Variants in POU6F2 observed in about 807,000 individuals in gnomAD.
POU6F2 encodes the protein POU class 6 homeobox 2.
In POU6F2, 31 loss-of-function variants were observed where a neutral mutation model predicts 71.3. The ratio of observed to expected loss-of-function variants is 0.43; its 90% CI spans 0.33 to 0.59. POU6F2 has a LOEUF of 0.59. Ranked by LOEUF, POU6F2 falls within the 20% of genes least tolerant of loss-of-function variation. The pLI, the probability that POU6F2 is intolerant of heterozygous loss-of-function variation, is 0.04. For missense variants in POU6F2, 783 were observed against 856.8 expected, an observed-to-expected ratio of 0.91 and a Z score of 1.07; for synonymous variants, 347 against 355.7, an observed-to-expected ratio of 0.98 and a Z score of 0.27.
chr7:39,153,608 T>G (rs1792803361), intron 2 of POU6F2, among the ~76,000 whole-genome samples: 1 of 152,204 alleles, frequency 6.6e-6, no homozygotes, highest in Non-Finnish European at 1.5e-5. Flanking sequence ...AGTTAACAAT[T>G]AATTAAAAGA....
intron 2 of POU6F2, among the ~76,000 whole-genome samples, chr7:39,203,057 G>T (rs1334226411): frequency 6.6e-6 from 1 of 152,192 alleles, no homozygotes; most frequent in African/African-American, 2.4e-5. Flanking sequence ...AGAGATAGAA[G>T]TCAATTGAAT....
chr7:39,149,744 G>A (rs1792705915), intron 2 of POU6F2, among the ~76,000 whole-genome samples: 1 of 152,028 alleles, frequency 6.6e-6, no homozygotes, highest in Non-Finnish European at 1.5e-5. Flanking sequence ...TTATATATAT[G>A]TGTGTGTATA....
chr7:39,278,419 A>G (rs1173828607), intron 4 of POU6F2, among the ~76,000 whole-genome samples: 6 of 152,306 alleles, frequency 3.9e-5, no homozygotes, highest in East Asian at 3.9e-4. Context: ...TCGATCAGAC[A>G]GAGTCCAAGT....
chr7:39,023,307 G>C (rs1052065032), intron 1 of POU6F2, among the ~76,000 whole-genome samples: 2 of 151,914 alleles, frequency 1.3e-5, no homozygotes, highest in African/African-American at 4.8e-5. Flanking sequence ...CTACACAAAG[G>C]CTTTTAAAAG....
At chr7:39,153,423 C>T (rs1288682095) in intron 2 of POU6F2, among the ~76,000 whole-genome samples, 2 of 152,036 alleles carry the variant, frequency 1.3e-5, no homozygotes, top group Non-Finnish European at 2.9e-5. Context: ...ACAATACGAT[C>T]GCATCCCACC....
intron 1 of POU6F2, among the ~76,000 whole-genome samples, chr7:39,031,623 C>T (rs1789944476): frequency 6.6e-6 from 1 of 152,132 alleles, no homozygotes; most frequent in African/African-American, 2.4e-5. Context: ...TGGCTCACAC[C>T]TGTAATCCCA....
chr7:39,437,770 T>A (rs1294277495), intron 7 of POU6F2, among the ~76,000 whole-genome samples: 1 of 152,174 alleles, frequency 6.6e-6, no homozygotes, highest in Non-Finnish European at 1.5e-5. Flanking sequence ...TGGTATAAAT[T>A]TCCCCCCTTA....
chr7:39,007,222 T>C (rs920537088), intron 1 of POU6F2, among the ~76,000 whole-genome samples: 2 of 152,238 alleles, frequency 1.3e-5, no homozygotes, highest in Admixed American at 6.5e-5. Context: ...ATTTGCTATT[T>C]TTATATTTCA....
chr7:39,069,002 G>T (rs1245950808), intron 1 of POU6F2, among the ~76,000 whole-genome samples: 1 of 152,054 alleles, frequency 6.6e-6, no homozygotes, highest in Non-Finnish European at 1.5e-5. Context: ...CAGGACCTGC[G>T]GATCACACAT....
chr7:39,210,636 C>T (rs190214257), intron 4 of POU6F2, among the ~76,000 whole-genome samples: 98 of 152,266 alleles, frequency 6.4e-4, no homozygotes, highest in Middle Eastern at 3.4e-3. Flanking sequence ...TCGACTCTGA[C>T]AGCGGGGGTC....
intron 4 of POU6F2, among the ~76,000 whole-genome samples, chr7:39,253,843 G>C (rs533017999): frequency 1.4e-4 from 22 of 152,166 alleles, no homozygotes; most frequent in Non-Finnish European, 3.1e-4. Context: ...CTTTACGATA[G>C]CCAAACCATT....
chr7:39,118,256 C>A (rs184572661), intron 2 of POU6F2, among the ~76,000 whole-genome samples: 1 of 152,226 alleles, frequency 6.6e-6, no homozygotes, highest in African/African-American at 2.4e-5. Context: ...ATCCAATCAG[C>A]TTTTTAGTGT....
intron 2 of POU6F2, among the ~76,000 whole-genome samples, chr7:39,159,951 C>CA (rs1047747442): frequency 1.6e-4 from 24 of 152,142 alleles, no homozygotes; most frequent in Admixed American, 5.9e-4. Context: ...CTTTGGATGG[C>CA]ATGGGCAATT....
chr7:39,065,027 ATAAT>A (rs1790729237), intron 1 of POU6F2, among the ~76,000 whole-genome samples: 2 of 151,838 alleles, frequency 1.3e-5, no homozygotes, highest in Non-Finnish European at 3.0e-5. Context: ...CACAAAGTAA[ATAAT>A]AACTTAAAGA....
chr7:39,376,685 C>G (rs996328054), intron 5 of POU6F2, among the ~76,000 whole-genome samples: 3 of 152,158 alleles, frequency 2.0e-5, no homozygotes, highest in Non-Finnish European at 2.9e-5. Flanking sequence ...AATTTATTAT[C>G]TACTTGAATA....
At chr7:39,082,166 A>T (rs1015069482) in intron 1 of POU6F2, among the ~76,000 whole-genome samples, 16 of 152,190 alleles carry the variant, frequency 1.1e-4, no homozygotes, top group Admixed American at 2.6e-4. Context: ...TCTTTGTAGG[A>T]CACGGTGAAA....
intron 2 of POU6F2, among the ~76,000 whole-genome samples, chr7:39,149,339 T>C (rs1001108752): frequency 6.6e-6 from 1 of 152,216 alleles, no homozygotes; most frequent in African/African-American, 2.4e-5. Context: ...CTCATCAGAA[T>C]ACTTCTTTTT....
At chr7:39,228,644 AATATT>A (rs1274938965) in intron 4 of POU6F2, among the ~76,000 whole-genome samples, 3 of 152,234 alleles carry the variant, frequency 2.0e-5, no homozygotes, top group African/African-American at 4.8e-5. Context: ...CGCCGAGGTC[AATATT>A]CCTTATTGGC....
intron 7 of POU6F2, among the ~76,000 whole-genome samples, chr7:39,434,833 TC>T (rs1041734570): frequency 2.6e-4 from 39 of 152,252 alleles, no homozygotes; most frequent in African/African-American, 9.4e-4. Context: ...CCTCTCTGTG[TC>T]CATCTGTTCT....
Sources: allele counts gnomAD v4.1 joint callset (sites outside exome capture counted in the v4.1 genomes callset), GRCh38; gene constraint gnomAD v4.1.1; transcripts MANE v1.5; gene names NCBI Gene and HGNC (gene_info 2026-07-23, HGNC 2026-07-21).